The following C3orf49 variants were observed in gnomAD, a reference collection of about 807,000 sequenced individuals.
The protein encoded by C3orf49 is putative uncharacterized protein C3orf49.
C3orf49 carries 27 observed loss-of-function variants against 13.3 expected under a neutral mutation model. The observed-to-expected ratio is 2.02, with a 90% CI of 1.49 to 2.79. C3orf49 has a LOEUF of 2.79. Among genes scored for constraint, C3orf49 ranks in the 30% most tolerant of loss-of-function variants. C3orf49 has a pLI of 0.00. For synonymous variants in C3orf49, 87 were observed against 47.6 expected (o/e 1.83, Z -3.40); for missense variants, 242 against 134.2 (o/e 1.80, Z -3.97).
At chr3:63,832,011 T>C in intron 5 of C3orf49, 167 bp downstream of exon 5, 1 of 552,096 alleles carries the variant, frequency 1.8e-6, no homozygotes, top group East Asian at 3.1e-5. Context: ...CTGGCCAACA[T>C]GGTGAAACCC....
At chr3:63,834,002 A>T in intron 5 of C3orf49, 1 of 775,410 alleles carries the variant, frequency 1.3e-6, no homozygotes, top group Non-Finnish European at 2.0e-6. Flanking sequence ...TGAATGAAAT[A>T]CATTCATACT....
the C3orf49 span, chr3:63,784,795 T>A: frequency 6.6e-6 from 1 of 152,088 alleles, no homozygotes; most frequent in Non-Finnish European, 1.5e-5. Context: ...GAAGTAGAAG[T>A]TGGATTGAGC....
chr3:63,786,115 A>T, the C3orf49 span: 2 of 152,130 alleles, frequency 1.3e-5, no homozygotes, highest in Non-Finnish European at 2.9e-5. Flanking sequence ...TTGCAGATAC[A>T]TCAACTACTT....
At chr3:63,829,789 C>T (rs1456131291) in intron 3 of C3orf49, among the ~76,000 whole-genome samples, 5 of 151,508 alleles carry the variant, frequency 3.3e-5, no homozygotes, top group Non-Finnish European at 5.9e-5. Context: ...GGCAAAACCC[C>T]ATCTCTACAA....
At chr3:63,805,494 G>C in the C3orf49 span, among the ~76,000 whole-genome samples, 1 of 152,210 alleles carries the variant, frequency 6.6e-6, no homozygotes, top group Non-Finnish European at 1.5e-5. Context: ...GCTGGCAGAA[G>C]ACACAAGACT....
At chr3:63,811,090 C>T in the C3orf49 span, among the ~76,000 whole-genome samples, 2 of 152,110 alleles carry the variant, frequency 1.3e-5, no homozygotes, top group African/African-American at 4.8e-5. Context: ...TCAAGTGATC[C>T]GCCTGCCTTA....
At chr3:63,820,163 T>G (rs1701375683) in intron 1 of C3orf49, among the ~76,000 whole-genome samples, 2 of 152,210 alleles carry the variant, frequency 1.3e-5, no homozygotes, top group African/African-American at 4.8e-5. Context: ...TGGTGATTTA[T>G]TTTCCAATTT....
the C3orf49 span, among the ~76,000 whole-genome samples, chr3:63,803,069 G>C: frequency 6.6e-6 from 1 of 152,120 alleles, no homozygotes; most frequent in Non-Finnish European, 1.5e-5. Flanking sequence ...CCAAGGTTTG[G>C]CAAGGATATT....
chr3:63,807,417 C>G, the C3orf49 span, among the ~76,000 whole-genome samples: 1 of 151,988 alleles, frequency 6.6e-6, no homozygotes, highest in Non-Finnish European at 1.5e-5. Context: ...ACAGAAACAC[C>G]AAGTGGTTTT....
chr3:63,838,842 A>C (rs1701693761), intron 5 of C3orf49, among the ~76,000 whole-genome samples: 1 of 152,202 alleles, frequency 6.6e-6, no homozygotes, highest in Non-Finnish European at 1.5e-5. Context: ...TCACTCTATA[A>C]AATTATTTAT....
the C3orf49 span, among the ~76,000 whole-genome samples, chr3:63,780,650 C>T: frequency 1.3e-5 from 2 of 152,094 alleles, no homozygotes; most frequent in African/African-American, 2.4e-5. Flanking sequence ...CTCTCCAGCA[C>T]CTGTTTCCTG....
At chr3:63,792,479 A>T in the C3orf49 span, among the ~76,000 whole-genome samples, 1 of 152,186 alleles carries the variant, frequency 6.6e-6, no homozygotes, top group Non-Finnish European at 1.5e-5. Flanking sequence ...ATTATCTAAC[A>T]TCATATCATA....
At chr3:63,838,645 C>T in intron 5 of C3orf49, 3 of 748,550 alleles carry the variant, frequency 4.0e-6, no homozygotes, top group East Asian at 3.2e-5. Flanking sequence ...ATATCTGTCC[C>T]TTAAGTTTTC....
chr3:63,834,092 C>G lies in C3orf49; in HGVS notation c.849+2248C>G, dbSNP rs780541725. The G allele has an allele frequency of 1.3e-5, 21 of 1,600,110 alleles. 1 individual carries two copies. In the South Asian group the frequency reaches 2.2e-4, roughly 17 times the overall value. ...TTTTAAACACATTATGGTCATGTAG[C>G]TATTTCAATATTCCTGGGAGTGGTG... On this transcript the variant is annotated intron_variant, in intron 5 of 6. Transcript: ENST00000295896.
intron 5 of C3orf49, among the ~76,000 whole-genome samples, chr3:63,843,521 T>C (rs891228913): frequency 1.3e-5 from 2 of 152,224 alleles, no homozygotes; most frequent in Non-Finnish European, 2.9e-5. Context: ...CAAAGAGGTA[T>C]CTGCACTCCA....
At chr3:63,809,387 T>A in the C3orf49 span, among the ~76,000 whole-genome samples, 1 of 152,202 alleles carries the variant, frequency 6.6e-6, no homozygotes, top group South Asian at 2.1e-4. Context: ...TTTGGGATAA[T>A]CTGTTGCAGC....
At position 63,819,555 on chromosome 3, in the gene C3orf49, CAAG is replaced by C. The variant is rs1559597673; in HGVS notation, c.90_92del (p.Lys31del). The C allele has an allele frequency of 4.3e-6, 3 of 703,320 alleles. No homozygotes were observed. Among genetic ancestry groups the C allele is most frequent in the South Asian group, 1.5e-5 (1 of 67,582 alleles). 43.6% of individuals were successfully genotyped at this position (703,320 alleles called of 1,614,324 possible). ...GACAGTGCCGAAGATTCCAGCAACT[CAAG>C]AAGAAAAATGGCTCATTCAAAAGGA... On this transcript the variant is annotated inframe_deletion, in exon 1 of 7. Transcript: ENST00000295896.
At chr3:63,823,796 GT>G (rs1241593032) in intron 2 of C3orf49, among the ~76,000 whole-genome samples, 1 of 151,138 alleles carries the variant, frequency 6.6e-6, no homozygotes, top group Non-Finnish European at 1.5e-5. Flanking sequence ...GTGTGTGTGT[GT>G]GTGTGTGTGT....
chr3:63,783,565 C>CACAA, the C3orf49 span, among the ~76,000 whole-genome samples: 1 of 134,108 alleles, frequency 7.5e-6, no homozygotes, highest in African/African-American at 2.8e-5. Flanking sequence ...CACACACACA[C>CACAA]AAATTAGCCA....
Sources: allele counts gnomAD v4.1 joint callset (sites outside exome capture counted in the v4.1 genomes callset), GRCh38; gene constraint gnomAD v4.1.1; transcripts MANE v1.5; gene names NCBI Gene and HGNC (gene_info 2026-07-23, HGNC 2026-07-21).